The following FRMPD4 variants were observed in gnomAD, a reference collection of about 807,000 sequenced individuals.
FRMPD4 encodes the protein FERM and PDZ domain-containing protein 4.
Under a neutral mutation model 94.1 loss-of-function variants are expected in FRMPD4, and 22 were observed. The ratio of observed to expected loss-of-function variants is 0.23; its 90% CI spans 0.17 to 0.33. The LOEUF (loss-of-function observed/expected upper bound fraction) is 0.33. Among genes scored for constraint, FRMPD4 ranks in the 10% least tolerant of loss-of-function variants. The pLI is 1.00. For synonymous variants in FRMPD4, 631 were observed against 548.6 expected, an observed-to-expected ratio of 1.15 and a Z score of -2.10; for missense variants, 1,111 against 1,339.9, an observed-to-expected ratio of 0.83 and a Z score of 2.67.
chrX:12,449,339 A>G (rs781653691), intron 1 of FRMPD4, among the ~76,000 whole-genome samples: 4 of 112,144 alleles, frequency 3.6e-5, no homozygotes, highest in Admixed American at 1.9e-4. Flanking sequence ...TAACTACCCT[A>G]TATCTCAATA....
At chrX:12,093,735 A>T (rs755032971) in intron 3 of FRMPD4, among the ~76,000 whole-genome samples, 73 of 110,836 alleles carry the variant, frequency 6.6e-4, no homozygotes, top group Non-Finnish European at 1.3e-3. Context: ...GAGATATCCA[A>T]CTCAGTCTGG....
At chrX:12,552,631 T>G (rs1456223983) in intron 2 of FRMPD4, among the ~76,000 whole-genome samples, 1 of 112,161 alleles carries the variant, frequency 8.9e-6, no homozygotes, top group African/African-American at 3.2e-5. Flanking sequence ...ATTCACAGAT[T>G]CTTTTCACTT....
chrX:11,947,350 A>C (rs980862346), intron 3 of FRMPD4, among the ~76,000 whole-genome samples: 2 of 112,317 alleles, frequency 1.8e-5, no homozygotes. Flanking sequence ...GAGTACAGCT[A>C]TTTCCTGAAA....
chrX:12,051,390 C>G (rs751783705), intron 3 of FRMPD4, among the ~76,000 whole-genome samples: 3 of 111,297 alleles, frequency 2.7e-5, no homozygotes, highest in Non-Finnish European at 5.7e-5. Context: ...TAGATAAAAC[C>G]TTTTATGATG....
At chrX:11,827,298 G>A (rs919423997) in intron 1 of FRMPD4, among the ~76,000 whole-genome samples, 4 of 108,067 alleles carry the variant, frequency 3.7e-5, no homozygotes, top group Admixed American at 2.0e-4. Context: ...GAATACTCAC[G>A]GCCATGTGAT....
At chrX:11,856,399 A>G (rs891707698) in intron 1 of FRMPD4, among the ~76,000 whole-genome samples, 1 of 112,235 alleles carries the variant, frequency 8.9e-6, no homozygotes, top group African/African-American at 3.2e-5. Flanking sequence ...GGTTGGTTCA[A>G]CATATGCAAA....
chrX:11,865,507 T>C (rs1257563871), intron 2 of FRMPD4, among the ~76,000 whole-genome samples: 1 of 112,147 alleles, frequency 8.9e-6, no homozygotes, highest in Non-Finnish European at 1.9e-5. Flanking sequence ...AAAGTACTCA[T>C]TCTATGCTGA....
chrX:12,629,096 T>C (rs2059373150), intron 4 of FRMPD4, among the ~76,000 whole-genome samples: 1 of 112,276 alleles, frequency 8.9e-6, no homozygotes, highest in Admixed American at 9.4e-5. Flanking sequence ...AGCAGGTCCC[T>C]CCCACAACAC....
intron 2 of FRMPD4, among the ~76,000 whole-genome samples, chrX:12,522,594 C>CTTTTTTTTT (rs373581040): frequency 1.2e-4 from 9 of 74,550 alleles, no homozygotes; most frequent in Admixed American, 3.3e-4. Context: ...TTTTCTTTTC[C>CTTTTTTTTT]TTTTTTTTTT....
intron 1 of FRMPD4, among the ~76,000 whole-genome samples, chrX:12,423,643 A>G (rs190692170): frequency 9.9e-4 from 110 of 111,181 alleles, no homozygotes; most frequent in African/African-American, 3.4e-3. Context: ...TCAGTGGCTG[A>G]CTTTATTGTT....
chrX:11,973,516 T>A (rs1420867748), intron 3 of FRMPD4, among the ~76,000 whole-genome samples: 1 of 111,707 alleles, frequency 9.0e-6, no homozygotes, highest in East Asian at 2.8e-4. Context: ...AGAATCTAAA[T>A]TTTTTTATAG....
chrX:12,018,179 A>G (rs1569143452), intron 3 of FRMPD4, among the ~76,000 whole-genome samples: 2 of 110,203 alleles, frequency 1.8e-5, no homozygotes, highest in Non-Finnish European at 3.8e-5. Context: ...ACAGCTCTCT[A>G]GTCTAGAAGT....
intron 1 of FRMPD4, among the ~76,000 whole-genome samples, chrX:12,441,469 A>G (rs1483784069): frequency 3.6e-5 from 4 of 111,090 alleles, no homozygotes; most frequent in Admixed American, 1.9e-4. Context: ...CTCTCCTTCA[A>G]ATAATACCTC....
intron 3 of FRMPD4, among the ~76,000 whole-genome samples, chrX:12,014,698 T>C (rs956011053): frequency 2.7e-5 from 3 of 110,444 alleles, no homozygotes; most frequent in African/African-American, 9.9e-5. Flanking sequence ...CATACTGGAG[T>C]GTGTGTCTGT....
chrX:12,484,560 C>T (rs1328832518), intron 1 of FRMPD4, among the ~76,000 whole-genome samples: 4 of 111,812 alleles, frequency 3.6e-5, no homozygotes, highest in African/African-American at 1.3e-4. Flanking sequence ...GGTTTCTGCT[C>T]ATTTAGTTAC....
At chrX:12,585,591 C>A (rs976207767) in intron 2 of FRMPD4, among the ~76,000 whole-genome samples, 1 of 111,971 alleles carries the variant, frequency 8.9e-6, no homozygotes, top group East Asian at 2.8e-4. Flanking sequence ...CACCCAGACT[C>A]TTATGAAAAA....
intron 4 of FRMPD4, among the ~76,000 whole-genome samples, chrX:12,615,242 G>A (rs2059225153): frequency 8.9e-6 from 1 of 111,958 alleles, no homozygotes; most frequent in Admixed American, 9.4e-5. Context: ...ACAAAGTGAT[G>A]AGTAATTTTA....
At chrX:12,065,941 A>G (rs369874823) in intron 3 of FRMPD4, among the ~76,000 whole-genome samples, 3 of 112,110 alleles carry the variant, frequency 2.7e-5, no homozygotes, top group East Asian at 5.6e-4. Flanking sequence ...ATCAGCCACT[A>G]TTGTTTAAAC....
intron 3 of FRMPD4, among the ~76,000 whole-genome samples, chrX:11,992,303 G>T (rs2054469265): frequency 8.9e-6 from 1 of 111,928 alleles, no homozygotes; most frequent in Admixed American, 9.5e-5. Context: ...CCCAGGAGAA[G>T]ATTAGTACTT....
Sources: allele counts gnomAD v4.1 joint callset (sites outside exome capture counted in the v4.1 genomes callset), GRCh38; gene constraint gnomAD v4.1.1; transcripts MANE v1.5; gene names NCBI Gene and HGNC (gene_info 2026-07-23, HGNC 2026-07-21).